The following EPB41 variants were observed in gnomAD, a reference collection of about 807,000 sequenced individuals.
EPB41 encodes the protein erythrocyte membrane protein band 4.1, also known as protein 4.1.
Under a neutral mutation model 108.0 loss-of-function variants are expected in EPB41, and 65 were observed. That is an observed-to-expected ratio of 0.60 (90% CI 0.49 to 0.74). The LOEUF (loss-of-function observed/expected upper bound fraction) is 0.74. EPB41 is among the 30% of genes least tolerant of loss of function. The pLI is 0.00. For missense variants in EPB41, 875 were observed against 1,037.0 expected (o/e 0.84, Z 2.15); for synonymous variants, 336 against 358.9 (o/e 0.94, Z 0.72).
chr1:29,077,496 A>G (rs1654575716), intron 16 of EPB41, among the ~76,000 whole-genome samples: 1 of 152,232 alleles, frequency 6.6e-6, no homozygotes, highest in African/African-American at 2.4e-5. Context: ...ACATCTGTAT[A>G]AATAAAGTCA....
intron 1 of EPB41, among the ~76,000 whole-genome samples, chr1:28,984,851 G>A (rs1401298523): frequency 6.6e-6 from 1 of 152,042 alleles, no homozygotes; most frequent in Non-Finnish European, 1.5e-5. Context: ...TAAATACGAT[G>A]TTTTGCTATG....
chr1:28,940,352 G>A (rs989725993), intron 1 of EPB41, among the ~76,000 whole-genome samples: 3 of 152,030 alleles, frequency 2.0e-5, no homozygotes, highest in Non-Finnish European at 4.4e-5. Context: ...TGTTTGATAG[G>A]TGCAAAAATT....
At chr1:28,944,324 T>C (rs559232546) in intron 1 of EPB41, among the ~76,000 whole-genome samples, 13 of 152,266 alleles carry the variant, frequency 8.5e-5, no homozygotes, top group African/African-American at 3.1e-4. Context: ...AGGGTGACTA[T>C]AGTCAATTAT....
At chr1:28,892,797 C>CTTTTTTTTTT (rs995428093) in intron 1 of EPB41, among the ~76,000 whole-genome samples, 2 of 87,234 alleles carry the variant, frequency 2.3e-5, no homozygotes, top group Non-Finnish European at 4.3e-5. Context: ...TTCCCAGGTT[C>CTTTTTTTTTT]TTTTTTTTTT....
chr1:29,001,920 T>G (rs968491239), intron 4 of EPB41, among the ~76,000 whole-genome samples: 5 of 152,198 alleles, frequency 3.3e-5, no homozygotes, highest in Non-Finnish European at 7.3e-5. Context: ...GAATGTTAAT[T>G]TAGCATATTG....
intron 1 of EPB41, among the ~76,000 whole-genome samples, chr1:28,900,357 G>A (rs2091153182): frequency 2.0e-5 from 3 of 150,210 alleles, no homozygotes; most frequent in Admixed American, 1.3e-4. Flanking sequence ...GCATGACCTC[G>A]GGTTACTGCA....
intron 11 of EPB41, among the ~76,000 whole-genome samples, chr1:29,051,319 G>A (rs1388149219): frequency 6.8e-6 from 1 of 148,052 alleles, no homozygotes; most frequent in Admixed American, 6.7e-5. Flanking sequence ...GGCTGGTCTC[G>A]AACTCCCGAC....
At chr1:29,068,521 A>G (rs1431654804) in intron 16 of EPB41, among the ~76,000 whole-genome samples, 3 of 152,216 alleles carry the variant, frequency 2.0e-5, no homozygotes, top group Non-Finnish European at 2.9e-5. Context: ...TTTTAGCTCT[A>G]TGCTATTACC....
Position 28,916,998 on chromosome 1 carries a change from C to T in EPB41, c.-8+2230C>T, listed in dbSNP as rs539163106. Among the ~76,000 whole-genome samples, 22 of 152,046 alleles carry T rather than the reference C, an allele frequency of 1.4e-4. No individual in the cohort carries two copies. The East Asian group carries it at 4.3e-3, about 29-fold the overall frequency. ...TGTAGAGACAGTCTCACTATGTTGC[C>T]TAGGGTGGTCTTGAATTCCTGGACT... On this transcript the variant is annotated intron_variant, in intron 1 of 20. Transcript: ENST00000343067.
chr1:28,971,186 T>TC (rs1371183600), intron 1 of EPB41, among the ~76,000 whole-genome samples: 1 of 130,794 alleles, frequency 7.6e-6, no homozygotes, highest in Non-Finnish European at 1.6e-5. Context: ...CTTTCTTTTT[T>TC]TTTTTTTTTT....
At chr1:28,970,460 ACCCC>A (rs1337667719) in intron 1 of EPB41, among the ~76,000 whole-genome samples, 1 of 152,104 alleles carries the variant, frequency 6.6e-6, no homozygotes, top group African/African-American at 2.4e-5. Flanking sequence ...CTTAACTAAA[ACCCC>A]TTTGTAGCTA....
At chr1:29,029,041 CA>C (rs34636821) in intron 7 of EPB41, among the ~76,000 whole-genome samples, 57,511 of 123,542 alleles carry the variant, frequency 0.47, 12,367 homozygotes, top group South Asian at 0.59. Flanking sequence ...GACCCTGTCT[CA>C]AAAAAAAAAA....
intron 12 of EPB41, among the ~76,000 whole-genome samples, chr1:29,056,064 G>A (rs374047682): frequency 2.1e-4 from 31 of 150,988 alleles, no homozygotes; most frequent in African/African-American, 6.6e-4. Flanking sequence ...GTGAAACCCC[G>A]TCTACTAAAA....
At chr1:28,915,425 C>T (rs1330248587) in intron 1 of EPB41, among the ~76,000 whole-genome samples, 1 of 152,112 alleles carries the variant, frequency 6.6e-6, no homozygotes, top group Non-Finnish European at 1.5e-5. Context: ...GCTGCTGTAC[C>T]TGTGGAGAGG....
intron 16 of EPB41, chr1:29,065,999 ATTTAT>A (rs1647474510): frequency 6.5e-6 from 1 of 152,940 alleles, no homozygotes; most frequent in South Asian, 2.1e-4. Context: ...AAGAAAAATG[ATTTAT>A]TTTATCTTTA....
intron 19 of EPB41, among the ~76,000 whole-genome samples, chr1:29,113,487 T>C (rs1004675634): frequency 1.4e-4 from 22 of 152,226 alleles, no homozygotes; most frequent in African/African-American, 5.1e-4. Context: ...TTGGCCCAGC[T>C]CAGTGGGTCC....
chr1:29,004,042 A>G (rs567345592), intron 4 of EPB41, among the ~76,000 whole-genome samples: 17 of 152,380 alleles, frequency 1.1e-4, no homozygotes, highest in Non-Finnish European at 1.5e-4. Flanking sequence ...AATTACAGGC[A>G]TGAGCCACTG....
At chr1:28,992,100 A>G (rs2149590337) in intron 2 of EPB41, among the ~76,000 whole-genome samples, 1 of 152,358 alleles carries the variant, frequency 6.6e-6, no homozygotes, top group South Asian at 2.1e-4. Context: ...GAGTACTGAT[A>G]TGAAAGACAG....
At chr1:29,112,254 G>A in intron 18 of EPB41, 114 bp from the exon 19 acceptor site, 1 of 840,296 alleles carries the variant, frequency 1.2e-6, no homozygotes, top group Non-Finnish European at 2.0e-6. Flanking sequence ...TCCTATCTCA[G>A]CCTCCCAAAG....
Sources: gnomAD v4.1 joint callset for allele counts (sites outside exome capture counted in the v4.1 genomes callset) on GRCh38, gnomAD v4.1.1 for gene constraint, MANE v1.5 for transcripts, NCBI Gene and HGNC (gene_info 2026-07-23, HGNC 2026-07-21) for gene names.